PTPRG: variants seen among roughly 807,000 people sequenced by gnomAD.
PTPRG encodes receptor-type tyrosine-protein phosphatase gamma.
A neutral mutation model predicts 165.3 loss-of-function variants in PTPRG; 102 were observed. That is an observed-to-expected ratio of 0.62 (90% CI 0.53 to 0.73). The LOEUF (loss-of-function observed/expected upper bound fraction) is 0.73. Ranked by LOEUF, PTPRG falls within the 30% of genes least tolerant of loss-of-function variation. The pLI, the probability that PTPRG is intolerant of heterozygous loss-of-function variation, is 0.00. For synonymous variants in PTPRG, 675 were observed against 669.5 expected, an observed-to-expected ratio of 1.01 and a Z score of -0.13; for missense variants, 1,866 against 1,861.4, an observed-to-expected ratio of 1.00 and a Z score of -0.05.
chr3:62,158,212 C>G lies in PTPRG; in HGVS notation c.840+988C>G, dbSNP rs1005512990. On this transcript the variant is annotated intron_variant, in intron 7 of 29. Coordinates refer to ENST00000474889, the MANE Select transcript of PTPRG (RefSeq NM_002841.4). ...GCAGTGAGAGGTCTTTAAGTCACCTCATGAGGTTTGAATGCATGGTTGGGG... is the reference window on the plus strand; with the variant it reads ...GCAGTGAGAGGTCTTTAAGTCACCTGATGAGGTTTGAATGCATGGTTGGGG... 2.0e-5 allele frequency among the ~76,000 whole-genome samples: 3 copies of G among 152,140 alleles called. No homozygotes were observed. The East Asian group carries it at 5.8e-4, about 29-fold the overall frequency.
chr3:62,260,964 G>A (rs937142112), intron 16 of PTPRG: 1 of 152,170 alleles, frequency 6.6e-6, no homozygotes, highest in Non-Finnish European at 1.5e-5. Flanking sequence ...AGGGGTTTTA[G>A]ATAACAAAGA....
chr3:61,666,232 A>G (rs1285915879), intron 1 of PTPRG, among the ~76,000 whole-genome samples: 1 of 152,208 alleles, frequency 6.6e-6, no homozygotes, highest in African/African-American at 2.4e-5. Flanking sequence ...GAGCTGCTGA[A>G]GGCTCCTTAC....
In PTPRG at chr3:62,094,973, A is replaced by G. The variant is rs117789750; in HGVS notation, c.615+16715A>G. 3.2e-3 allele frequency among the ~76,000 whole-genome samples: 489 copies of G among 152,314 alleles called. 19 individuals are homozygous for G. The East Asian group carries it at 0.088, about 27-fold the overall frequency. ...ACTGTGCCATGCAGAATGGTAATCT[A>G]CCTTCTGTGCCTTTATCTTCCAGAG... On this transcript the variant is annotated intron_variant, in intron 5 of 29. Transcript: ENST00000474889.
chr3:62,081,625 G>A (rs537536226), intron 5 of PTPRG, among the ~76,000 whole-genome samples: 29 of 152,282 alleles, frequency 1.9e-4, no homozygotes, highest in Middle Eastern at 6.8e-3. Flanking sequence ...GATTATAGGC[G>A]TCAGCCACTG....
At chr3:62,260,185 A>G (rs1042881792) in intron 16 of PTPRG, among the ~76,000 whole-genome samples, 3 of 152,154 alleles carry the variant, frequency 2.0e-5, no homozygotes, top group Non-Finnish European at 4.4e-5. Flanking sequence ...CTTTACCACA[A>G]TTGTAGGCTG....
intron 2 of PTPRG, among the ~76,000 whole-genome samples, chr3:61,814,159 C>T (rs1381612219): frequency 6.6e-6 from 1 of 152,180 alleles, no homozygotes; most frequent in African/African-American, 2.4e-5. Flanking sequence ...CCTCAGCCTC[C>T]CAAAGTGCTG....
At chr3:62,091,250 T>C (rs1701918861) in intron 5 of PTPRG, among the ~76,000 whole-genome samples, 1 of 152,224 alleles carries the variant, frequency 6.6e-6, no homozygotes, top group Admixed American at 6.5e-5. Context: ...TGATTGCAGT[T>C]GGCTGTGAGA....
At chr3:62,176,399 A>T (rs1379345748) in intron 8 of PTPRG, among the ~76,000 whole-genome samples, 1 of 152,122 alleles carries the variant, frequency 6.6e-6, no homozygotes. Context: ...GTGAACCAAG[A>T]TCCTCTTATG....
chr3:61,684,042 G>T (rs1158372393), intron 1 of PTPRG, among the ~76,000 whole-genome samples: 1 of 152,210 alleles, frequency 6.6e-6, no homozygotes, highest in Non-Finnish European at 1.5e-5. Context: ...ACACTGGTTT[G>T]AGATTCCCTG....
intron 2 of PTPRG, among the ~76,000 whole-genome samples, chr3:61,968,633 T>C (rs1464799197): frequency 1.3e-5 from 2 of 152,206 alleles, no homozygotes; most frequent in Non-Finnish European, 2.9e-5. Flanking sequence ...ATCTATTTGA[T>C]ATAGATTTCA....
At chr3:62,289,147 A>G (rs148821520) in intron 28 of PTPRG, among the ~76,000 whole-genome samples, 1 of 152,250 alleles carries the variant, frequency 6.6e-6, no homozygotes, top group African/African-American at 2.4e-5. Context: ...CAGTTACTTC[A>G]CCTGAATGTG....
chr3:62,094,805 C>T (rs1466961160), intron 5 of PTPRG, among the ~76,000 whole-genome samples: 1 of 152,166 alleles, frequency 6.6e-6, no homozygotes, highest in Non-Finnish European at 1.5e-5. Flanking sequence ...CTGATGGACC[C>T]CTCAGCTGCT....
intron 2 of PTPRG, chr3:61,750,084 A>G (rs2033370290): frequency 6.6e-6 from 1 of 152,208 alleles, no homozygotes; most frequent in Admixed American, 6.5e-5. Context: ...CAGTGAACAG[A>G]TAGTGATTCT....
rs749800087 is a variant in PTPRG, at chr3:61,815,242, C to CAA, written c.190+66277_190+66278dup. Among the ~76,000 whole-genome samples the CAA allele has an allele frequency of 1.0e-3, 110 of 110,156 alleles. 1 individual carries two copies. Among genetic ancestry groups the CAA allele is most frequent in the African/African-American group, 2.9e-3 (96 of 32,544 alleles). The allele number at this position is 110,156 out of a possible 152,430, so 72.3% of individuals were successfully genotyped here. A position where few individuals can be genotyped will look rare whatever the true frequency, so the allele number is the denominator to read the frequency against. ...CGAAACCCTGTCTCTACTAAAAATA[C>CAA]AAAAAAAAAAAAAAAAAATCAGTTG... On this transcript the variant is annotated intron_variant, in intron 2 of 29. Coordinates refer to ENST00000474889, the MANE Select transcript of PTPRG (RefSeq NM_002841.4).
At chr3:62,189,519 A>T (rs917330902) in intron 8 of PTPRG, among the ~76,000 whole-genome samples, 6 of 152,042 alleles carry the variant, frequency 3.9e-5, no homozygotes, top group African/African-American at 1.4e-4. Flanking sequence ...ACGCCCGCTT[A>T]CTTCTTACCC....
intron 5 of PTPRG, among the ~76,000 whole-genome samples, chr3:62,123,639 ATCAT>A (rs1703165669): frequency 6.6e-6 from 1 of 152,198 alleles, no homozygotes. Flanking sequence ...TAAAAAGTTT[ATCAT>A]GAATAAGTAC....
intron 5 of PTPRG, among the ~76,000 whole-genome samples, chr3:62,124,850 GCATGGCCAGAATCTTT>G (rs1202577186): frequency 6.6e-6 from 1 of 152,152 alleles, no homozygotes; most frequent in African/African-American, 2.4e-5. Flanking sequence ...GAGCCACTGC[GCATGGCCAGAATCTTT>G]CATAACATTG....
chr3:62,210,598 T>C lies in PTPRG; in HGVS notation c.2155+6648T>C, dbSNP rs989111967. Reference sequence around the variant, plus strand: ...TACACTTGACCCTTGAAAAACAGTCTTGAACTGCTTATATCCACTTATACA... The same window carrying C: ...TACACTTGACCCTTGAAAAACAGTCCTGAACTGCTTATATCCACTTATACA... On this transcript the variant is annotated intron_variant, in intron 12 of 29. Coordinates refer to ENST00000474889, the MANE Select transcript of PTPRG (RefSeq NM_002841.4). This position sits in a 1 kb window ranked among gnomAD's most constrained non-coding sequence, Gnocchi z 4.1. 5.9e-5 allele frequency among the ~76,000 whole-genome samples: 9 copies of C among 152,274 alleles called. No homozygotes were observed. In the South Asian group the frequency reaches 1.9e-3, roughly 32 times the overall value.
intron 28 of PTPRG, among the ~76,000 whole-genome samples, chr3:62,284,178 T>C (rs1702553660): frequency 6.6e-6 from 1 of 152,134 alleles, no homozygotes; most frequent in Non-Finnish European, 1.5e-5. Flanking sequence ...CCGAGGTGTT[T>C]TGTCCTGAAG....
Sources: allele counts gnomAD v4.1 joint callset (sites outside exome capture counted in the v4.1 genomes callset), GRCh38; gene constraint gnomAD v4.1.1; non-coding constraint Gnocchi (gnomAD v3.1); transcripts MANE v1.5; gene names NCBI Gene and HGNC (gene_info 2026-07-23, HGNC 2026-07-21).